The following DCAF17 variants were observed in gnomAD, a reference collection of about 807,000 sequenced individuals.
The protein encoded by DCAF17 is DDB1- and CUL4-associated factor 17.
DCAF17 carries 48 observed loss-of-function variants against 66.0 expected under a neutral mutation model. The observed-to-expected ratio is 0.73, with a 90% CI of 0.58 to 0.92. DCAF17 has a LOEUF of 0.92. Among genes scored for constraint, DCAF17 ranks in the 40% least tolerant of loss-of-function variants. The probability of loss-of-function intolerance (pLI) is 0.00; values close to 1 mark genes in which losing one functional copy is unlikely to be tolerated. For missense variants in DCAF17, 562 were observed against 622.8 expected, an observed-to-expected ratio of 0.90 and a Z score of 1.04; for synonymous variants, 206 against 214.6, an observed-to-expected ratio of 0.96 and a Z score of 0.35.
At chr2:171,463,479 A>G (rs1326303937) in intron 8 of DCAF17, among the ~76,000 whole-genome samples, 1 of 152,198 alleles carries the variant, frequency 6.6e-6, no homozygotes, top group African/African-American at 2.4e-5. Flanking sequence ...GAAGAGATAC[A>G]GATCAAAGGA....
intron 9 of DCAF17, among the ~76,000 whole-genome samples, 171 bp from the exon 10 acceptor site, chr2:171,473,695 A>G (rs1486870659): frequency 6.6e-6 from 1 of 152,178 alleles, no homozygotes; most frequent in Non-Finnish European, 1.5e-5. Flanking sequence ...AATGTTCAGA[A>G]TTTCTCAAAT....
At chr2:171,455,625 CACAA>C (rs1695214941) in intron 6 of DCAF17, among the ~76,000 whole-genome samples, 2 of 152,198 alleles carry the variant, frequency 1.3e-5, no homozygotes, top group African/African-American at 4.8e-5. Context: ...TTTCCATTGA[CACAA>C]ACAGTGTATA....
Position 171,481,885 on chromosome 2 carries a change from T to C in DCAF17, c.*771T>C. The C allele has an allele frequency of 2.2e-6, 1 of 454,076 alleles. No individual in the cohort carries two copies. The allele number at this position is 454,076 out of a possible 1,614,324, so 28.1% of individuals were successfully genotyped here. A position where few individuals can be genotyped will look rare whatever the true frequency, so the allele number is the denominator to read the frequency against. On this transcript the variant is annotated 3_prime_UTR_variant, in exon 14 of 14. Coordinates refer to ENST00000375255, the MANE Select transcript of DCAF17 (RefSeq NM_025000.4). ...TTCTCATCTCACCATTCTACTCATTTAGTGAGTTTTCTGATCTTGTTTAGG... is the reference window on the plus strand; with the variant it reads ...TTCTCATCTCACCATTCTACTCATTCAGTGAGTTTTCTGATCTTGTTTAGG...
chr2:171,456,052 A>G (rs1327073267), intron 6 of DCAF17, among the ~76,000 whole-genome samples: 2 of 152,060 alleles, frequency 1.3e-5, no homozygotes, highest in African/African-American at 2.4e-5. Flanking sequence ...TTCTGTTGCA[A>G]TTGCTTTTGG....
In DCAF17 at chr2:171,434,503, G is replaced by A. The variant is rs1369185317; in HGVS notation, c.-75G>A. 5.9e-6 allele frequency: 9 copies of A among 1,522,556 alleles called. No individual in the cohort carries two copies. The highest frequency in any genetic ancestry group is 7.0e-6 in the Non-Finnish European group (8 of 1,139,664). The allele number at this position is 1,522,556 out of a possible 1,614,324, so 94.3% of individuals were successfully genotyped here. ...CTGGGCCTCGAAATTCGAAGGCAGC[G>A]GCGGCTGCCCAGCACGGGAGTGTGG... is the stretch of plus-strand genomic sequence containing the variant. On this transcript the variant is annotated 5_prime_UTR_variant, in exon 1 of 14. Coordinates refer to ENST00000375255, the MANE Select transcript of DCAF17 (RefSeq NM_025000.4).
chr2:171,443,705 T>G, intron 3 of DCAF17, 92 bp downstream of exon 3: 1 of 985,878 alleles, frequency 1.0e-6, no homozygotes. Context: ...TAATACAACT[T>G]AAATATCATA....
Position 171,476,877 on chromosome 2 carries a change from A to G in DCAF17, c.1109A>G (p.Glu370Gly). 1 of 1,613,582 alleles carries G rather than the reference A, an allele frequency of 6.2e-7. No individual in the cohort carries two copies. The highest frequency in any genetic ancestry group is 1.7e-5 in the Admixed American group (1 of 59,986). ...PNQVKVLKLT[E>G]IENNSSQHQI... Reference sequence around the variant, plus strand: ...CTTCTCAGAGTTTTGAAGCTAACTGAAATAGAAAATAATAGTTCTCAGCAT... The same window carrying G: ...CTTCTCAGAGTTTTGAAGCTAACTGGAATAGAAAATAATAGTTCTCAGCAT... Residue 370 changes from glutamate to glycine, a missense_variant, in exon 11 of 14, where the codon GAA (glutamate) becomes GGA (glycine). This residue lies in a region of DCAF17 where 201 missense variants were observed against 231.1 expected (regional missense o/e 0.87). Coordinates refer to ENST00000375255, the MANE Select transcript of DCAF17 (RefSeq NM_025000.4).
chr2:171,468,634 A>C (rs1469239360), intron 8 of DCAF17, among the ~76,000 whole-genome samples: 1 of 152,104 alleles, frequency 6.6e-6, no homozygotes, highest in Non-Finnish European at 1.5e-5. Context: ...ATCTCTACTC[A>C]CCTGCGGGCC....
chr2:171,477,071 T>G, intron 11 of DCAF17, 121 bp downstream of exon 11: 2 of 747,058 alleles, frequency 2.7e-6, no homozygotes, highest in Non-Finnish European at 2.3e-6. Flanking sequence ...TATAAAAGTC[T>G]GTACATTTTG....
intron 10 of DCAF17, among the ~76,000 whole-genome samples, chr2:171,476,499 G>T (rs1696502283): frequency 6.6e-6 from 1 of 152,130 alleles, no homozygotes; most frequent in Non-Finnish European, 1.5e-5. Context: ...GCAAATATCT[G>T]CTTTAATTGT....
intron 8 of DCAF17, among the ~76,000 whole-genome samples, chr2:171,463,416 C>T (rs1463590665): frequency 6.6e-6 from 1 of 151,676 alleles, no homozygotes; most frequent in Non-Finnish European, 1.5e-5. Flanking sequence ...TGGTGATGTG[C>T]TTTTGGATTT....
At chr2:171,454,111 G>A (rs1329751981) in intron 6 of DCAF17, among the ~76,000 whole-genome samples, 1 of 151,770 alleles carries the variant, frequency 6.6e-6, no homozygotes, top group Non-Finnish European at 1.5e-5. Context: ...TCAAGGCTTT[G>A]ATGAATTATG....
chr2:171,455,643 G>A (rs1695215862), intron 6 of DCAF17, among the ~76,000 whole-genome samples: 1 of 152,140 alleles, frequency 6.6e-6, no homozygotes, highest in Non-Finnish European at 1.5e-5. Context: ...GTGTATAAGT[G>A]TTTCCTTTTC....
chr2:171,479,748 T>G (rs771613535), intron 12 of DCAF17: 1 of 355,120 alleles, frequency 2.8e-6, no homozygotes, highest in Non-Finnish European at 5.3e-6. Context: ...ATTTAGAGAA[T>G]CTCTGATTTG....
intron 7 of DCAF17, 127 bp downstream of exon 7, chr2:171,458,202 G>A (rs1378132969): frequency 1.7e-5 from 18 of 1,068,048 alleles, no homozygotes; most frequent in Non-Finnish European, 2.6e-5. Context: ...AAAAACTGTA[G>A]AAATGTAGAA....
intron 2 of DCAF17, among the ~76,000 whole-genome samples, chr2:171,438,663 T>G (rs565456627): frequency 6.6e-6 from 1 of 152,328 alleles, no homozygotes; most frequent in South Asian, 2.1e-4. Flanking sequence ...TTAGTATAGC[T>G]ACTCCAGCTT....
At chr2:171,435,956 C>T (rs1430676173) in intron 2 of DCAF17, among the ~76,000 whole-genome samples, 1 of 152,190 alleles carries the variant, frequency 6.6e-6, no homozygotes, top group African/African-American at 2.4e-5. Flanking sequence ...CACTTCAAAA[C>T]AGAACCATGT....
rs773244943 is a variant in DCAF17, at chr2:171,481,088, G to A, written c.1537G>A (p.Glu513Lys). The A allele has an allele frequency of 1.2e-6, 2 of 1,613,696 alleles. No homozygotes were observed. The highest frequency in any genetic ancestry group is 1.7e-6 in the Non-Finnish European group (2 of 1,179,654). Residue 513 changes from glutamate (E) to lysine (K), a missense_variant, in exon 14 of 14, where the codon GAA becomes AAA. Transcript: ENST00000375255. ...GATGATATGTGACACTGGGGAAGAA[G>A]AAGAAACCATAAACAGAAGCTGTTA... is the stretch of plus-strand genomic sequence containing the variant. The part of the protein sequence containing the change: ...YQMICDTGEE[E>K]ETINRSC
At chr2:171,453,308 C>T (rs1695062412) in intron 6 of DCAF17, 95 bp downstream of exon 6, 10 of 919,276 alleles carry the variant, frequency 1.1e-5, no homozygotes, top group Non-Finnish European at 1.6e-5. Flanking sequence ...ATTGGAAATG[C>T]TCCCCTCACT....
Sources: gnomAD v4.1 joint callset for allele counts (sites outside exome capture counted in the v4.1 genomes callset) on GRCh38, gnomAD v4.1.1 for gene constraint, gnomAD v4.1.1 regional missense constraint, MANE v1.5 for transcripts, NCBI Gene and HGNC (gene_info 2026-07-23, HGNC 2026-07-21) for gene names.